Variants in TAFA1 observed in about 807,000 individuals in gnomAD.
The protein encoded by TAFA1 is chemokine-like protein TAFA-1.
Under a neutral mutation model 18.5 loss-of-function variants are expected in TAFA1, and 4 were observed. The observed-to-expected ratio is 0.22, with a 90% CI of 0.11 to 0.49. TAFA1 has a LOEUF of 0.49. Ranked by LOEUF, TAFA1 falls within the 20% of genes least tolerant of loss-of-function variation. The probability of loss-of-function intolerance (pLI) is 0.98; values close to 1 mark genes in which losing one functional copy is unlikely to be tolerated. For synonymous variants in TAFA1, 56 were observed against 55.2 expected, an observed-to-expected ratio of 1.01 and a Z score of -0.06; for missense variants, 147 against 169.0, an observed-to-expected ratio of 0.87 and a Z score of 0.72.
chr3:68,314,952 A>G (rs1462487267), intron 2 of TAFA1, among the ~76,000 whole-genome samples: 3 of 149,124 alleles, frequency 2.0e-5, no homozygotes, highest in Non-Finnish European at 3.0e-5. Context: ...TTATCACTAT[A>G]TAACATTGAA....
intron 3 of TAFA1, among the ~76,000 whole-genome samples, chr3:68,534,766 G>A (rs2073247604): frequency 6.6e-6 from 1 of 152,046 alleles, no homozygotes; most frequent in Admixed American, 6.6e-5. Flanking sequence ...CATTTAGGAG[G>A]TATTAATGCT....
intron 2 of TAFA1, among the ~76,000 whole-genome samples, chr3:68,084,186 C>A (rs182021078): frequency 1.3e-5 from 2 of 152,270 alleles, no homozygotes; most frequent in East Asian, 1.9e-4. Context: ...TGGGAAATTT[C>A]CCTGATGGAG....
intron 2 of TAFA1, among the ~76,000 whole-genome samples, chr3:68,111,139 A>T (rs1289166386): frequency 2.6e-5 from 4 of 152,230 alleles, no homozygotes; most frequent in African/African-American, 9.6e-5. Flanking sequence ...TTTACAAGCA[A>T]CATTTAAAAT....
At chr3:68,465,605 G>C (rs2106934087) in intron 3 of TAFA1, among the ~76,000 whole-genome samples, 1 of 152,246 alleles carries the variant, frequency 6.6e-6, no homozygotes, top group Non-Finnish European at 1.5e-5. Context: ...TTCAGAACTA[G>C]AATAGTGGGT....
chr3:68,501,434 A>C (rs975953669), intron 3 of TAFA1, among the ~76,000 whole-genome samples: 5 of 152,216 alleles, frequency 3.3e-5, no homozygotes, highest in Admixed American at 6.5e-5. Flanking sequence ...AAATGTTATT[A>C]AAATAAGAGA....
intron 2 of TAFA1, among the ~76,000 whole-genome samples, chr3:68,409,655 A>C (rs2070675680): frequency 6.6e-6 from 1 of 152,176 alleles, no homozygotes; most frequent in African/African-American, 2.4e-5. Context: ...GTGTGAAAAC[A>C]GACTAATACA....
chr3:68,131,675 C>A (rs942053474), intron 2 of TAFA1, among the ~76,000 whole-genome samples: 4 of 152,200 alleles, frequency 2.6e-5, no homozygotes, highest in Non-Finnish European at 4.4e-5. Context: ...AGGGGCTGGG[C>A]TGCATACAGC....
intron 2 of TAFA1, among the ~76,000 whole-genome samples, chr3:68,317,440 C>A (rs2106696584): frequency 1.3e-5 from 2 of 152,262 alleles, no homozygotes; most frequent in Admixed American, 1.3e-4. Context: ...ACATTGCCAG[C>A]CACTGCAACA....
intron 2 of TAFA1, among the ~76,000 whole-genome samples, chr3:68,091,000 C>T (rs1340317310): frequency 6.6e-6 from 1 of 152,144 alleles, no homozygotes; most frequent in Non-Finnish European, 1.5e-5. Context: ...TAGGAGAGCA[C>T]TGAAATGTCT....
At chr3:68,090,709 G>A (rs1370509335) in intron 2 of TAFA1, among the ~76,000 whole-genome samples, 1 of 152,182 alleles carries the variant, frequency 6.6e-6, no homozygotes. Flanking sequence ...ATCTGGCAAA[G>A]TGTCTGGCAC....
chr3:68,136,844 A>C (rs1338990023), intron 2 of TAFA1, among the ~76,000 whole-genome samples: 3 of 152,166 alleles, frequency 2.0e-5, no homozygotes, highest in African/African-American at 7.2e-5. Flanking sequence ...GGTTTGGATC[A>C]ATTAATCTGT....
At chr3:68,241,654 C>G (rs1190688522) in intron 2 of TAFA1, among the ~76,000 whole-genome samples, 1 of 152,126 alleles carries the variant, frequency 6.6e-6, no homozygotes, top group African/African-American at 2.4e-5. Flanking sequence ...CATCAGTTTT[C>G]CTTATGACTT....
upstream of TAFA1, among the ~76,000 whole-genome samples, chr3:67,999,731 C>T (rs1704263741): frequency 6.6e-6 from 1 of 151,806 alleles, no homozygotes; most frequent in African/African-American, 2.4e-5. Flanking sequence ...AGGCCAGTTT[C>T]CTTTACTTAG....
chr3:68,430,665 T>A (rs370900669), intron 3 of TAFA1, among the ~76,000 whole-genome samples: 1 of 151,910 alleles, frequency 6.6e-6, no homozygotes, highest in Admixed American at 6.6e-5. Context: ...CTTCAGACAA[T>A]GCCAAAGCAA....
intron 2 of TAFA1, among the ~76,000 whole-genome samples, chr3:68,166,846 T>G (rs1382178837): frequency 6.6e-6 from 1 of 152,032 alleles, no homozygotes; most frequent in Non-Finnish European, 1.5e-5. Flanking sequence ...CTTATACGCT[T>G]GTATAAGGGC....
intron 3 of TAFA1, among the ~76,000 whole-genome samples, chr3:68,438,555 A>T (rs747488418): frequency 6.0e-5 from 9 of 151,248 alleles, no homozygotes; most frequent in Non-Finnish European, 1.0e-4. Flanking sequence ...TGTTAGTCCC[A>T]CTCCCATGGC....
chr3:68,195,108 G>A (rs2066394953), intron 2 of TAFA1, among the ~76,000 whole-genome samples: 1 of 151,464 alleles, frequency 6.6e-6, no homozygotes, highest in Admixed American at 6.6e-5. Context: ...AAGAGGTTGT[G>A]ACTATAGCCT....
intron 2 of TAFA1, among the ~76,000 whole-genome samples, chr3:68,007,319 T>TTTTTG (rs546962173): frequency 2.6e-5 from 4 of 152,142 alleles, no homozygotes; most frequent in Non-Finnish European, 5.9e-5. Context: ...TCCCACCTGA[T>TTTTTG]TTTTGTTTTG....
At chr3:68,321,404 T>C (rs2106706580) in intron 2 of TAFA1, among the ~76,000 whole-genome samples, 1 of 152,286 alleles carries the variant, frequency 6.6e-6, no homozygotes, top group African/African-American at 2.4e-5. Context: ...CTCTGGGGTG[T>C]CTTTAATTAA....
Sources: gnomAD v4.1 joint callset for allele counts (sites outside exome capture counted in the v4.1 genomes callset) on GRCh38, gnomAD v4.1.1 for gene constraint, MANE v1.5 for transcripts, NCBI Gene and HGNC (gene_info 2026-07-23, HGNC 2026-07-21) for gene names.